The following GSN variants were observed in gnomAD, a reference collection of about 807,000 sequenced individuals.
The protein encoded by GSN is gelsolin.
Under a neutral mutation model 85.7 loss-of-function variants are expected in GSN, and 56 were observed. That is an observed-to-expected ratio of 0.65 (90% CI 0.53 to 0.82). The LOEUF (loss-of-function observed/expected upper bound fraction) is 0.82. Ranked by LOEUF, GSN falls within the 40% of genes least tolerant of loss-of-function variation. GSN has a pLI of 0.00. For synonymous variants in GSN, 373 were observed against 399.1 expected (o/e 0.93, Z 0.78); for missense variants, 857 against 979.8 (o/e 0.87, Z 1.67).
chr9:121,312,468 G>A lies in GSN; in HGVS notation c.643G>A (p.Glu215Lys). Reference sequence around the variant, plus strand: ...AGTGCACGTGTCTGAGGAGGGCACTGAGCCCGAGGCGATGCTCCAGGTGCC... The same window carrying A: ...AGTGCACGTGTCTGAGGAGGGCACTAAGCCCGAGGCGATGCTCCAGGTGCC... ...ARVHVSEEGT[E>K]PEAMLQVLGP... is the part of the protein sequence containing the mutation. Residue 215 changes from glutamate (E) to lysine (K), a missense_variant, in exon 6 of 18, where the codon GAG becomes AAG. Physicochemically the swap from Glu to Lys is moderately conservative, Grantham distance 56. Transcript: ENST00000432226. 6.2e-7 allele frequency: 1 copy of A among 1,613,428 alleles called. No individual in the cohort carries two copies. The highest frequency in any genetic ancestry group is 1.1e-5 in the South Asian group (1 of 91,048).
intron 1 of GSN, among the ~76,000 whole-genome samples, chr9:121,277,831 C>T (rs1297867084): frequency 6.6e-6 from 1 of 152,162 alleles, no homozygotes; most frequent in Non-Finnish European, 1.5e-5. Context: ...ATGCAAACTA[C>T]AGTCCTGGGG....
At chr9:121,218,753 G>A (rs931324393) in intron 4 of GSN, among the ~76,000 whole-genome samples, 1 of 152,230 alleles carries the variant, frequency 6.6e-6, no homozygotes, top group African/African-American at 2.4e-5. Flanking sequence ...GCCACTGTTG[G>A]ACAAATGTCC....
In GSN at chr9:121,332,613, G is replaced by A. The variant is rs1160410677; in HGVS notation, c.*10G>A. 6.2e-7 allele frequency: 1 copy of A among 1,610,306 alleles called. No individual in the cohort carries two copies. Among genetic ancestry groups the A allele is most frequent in the African/African-American group, 1.3e-5 (1 of 74,966 alleles). On this transcript the variant is annotated 3_prime_UTR_variant, in exon 18 of 18. Coordinates refer to ENST00000432226, the MANE Select transcript of GSN (RefSeq NM_198252.3). This position sits in a 1 kb window ranked among gnomAD's most constrained non-coding sequence, Gnocchi z 4.8. ...TGAGCTGGCTGCCTGAGGAGGGGCAGGGCCCACCCATGTCACCGGTCAGTG... is the reference window on the plus strand; with the variant it reads ...TGAGCTGGCTGCCTGAGGAGGGGCAAGGCCCACCCATGTCACCGGTCAGTG...
At position 121,209,399 on chromosome 9, in the gene GSN, T is replaced by C. The variant is rs796344154; in HGVS notation, c.-706+2T>C. On this transcript the variant is annotated splice_donor_variant, in intron 2 of 24. Coordinates refer to the GSN transcript ENST00000373823. LOFTEE classifies it low-confidence loss of function (5UTR_SPLICE). ...GGAGATTCCCTTCTACCATCCATGG[T>C]GAGCAAAGAGTGGGGCTTGGAATTA... 6.3e-5 allele frequency: 8 copies of C among 126,890 alleles called. No individual in the cohort carries two copies. Among genetic ancestry groups the C allele is most frequent in the African/African-American group, 2.2e-4 (7 of 32,140 alleles). The allele number at this position is 126,890 out of a possible 1,614,324, so 7.9% of individuals were successfully genotyped here. A position where few individuals can be genotyped will look rare whatever the true frequency, so the allele number is the denominator to read the frequency against.
upstream of GSN, among the ~76,000 whole-genome samples, chr9:121,205,377 T>C (rs1277705533): frequency 6.6e-6 from 1 of 152,192 alleles, no homozygotes; most frequent in Non-Finnish European, 1.5e-5. Context: ...CAGTGAGGAT[T>C]GGGTGTGCCT....
intron 2 of GSN, among the ~76,000 whole-genome samples, chr9:121,290,669 A>C (rs1051273997): frequency 6.6e-6 from 1 of 152,238 alleles, no homozygotes; most frequent in African/African-American, 2.4e-5. Flanking sequence ...CAGCTGGCAC[A>C]AAAGTAATTG....
intron 4 of GSN, among the ~76,000 whole-genome samples, chr9:121,217,343 G>A (rs2054083271): frequency 6.7e-6 from 1 of 150,080 alleles, no homozygotes; most frequent in African/African-American, 2.4e-5. Context: ...TCCAGCCTGG[G>A]CAACAGGGCA....
intron 10 of GSN, among the ~76,000 whole-genome samples, chr9:121,320,704 G>A (rs539756505): frequency 6.6e-6 from 1 of 151,228 alleles, no homozygotes; most frequent in African/African-American, 2.4e-5. Flanking sequence ...AGTAACAATA[G>A]AGGTAATGGT....
chr9:121,315,549 AG>A (rs2061620293), intron 7 of GSN, among the ~76,000 whole-genome samples: 1 of 152,092 alleles, frequency 6.6e-6, no homozygotes, highest in Admixed American at 6.5e-5. Flanking sequence ...GGATCACCTG[AG>A]GTCAGGAGTT....
chr9:121,314,413 T>C (rs541353618), intron 7 of GSN, among the ~76,000 whole-genome samples: 2 of 151,842 alleles, frequency 1.3e-5, no homozygotes, highest in African/African-American at 2.4e-5. Context: ...AGGTTGGGGG[T>C]GTGGGTTATA....
At position 121,275,375 on chromosome 9, in the gene GSN, G is replaced by A. The variant is rs193159657; in HGVS notation, c.-102-6095G>A. 7.6e-4 allele frequency among the ~76,000 whole-genome samples: 115 copies of A among 152,288 alleles called. 1 individual carries two copies. Among genetic ancestry groups the A allele is most frequent in the Non-Finnish European group, 2.1e-4 (14 of 68,032 alleles). On this transcript the variant is annotated intron_variant, in intron 1 of 17. Coordinates refer to ENST00000432226, the MANE Select transcript of GSN (RefSeq NM_198252.3). ...CTACAAAGTACCTAACACAATGCTT[G>A]GCCAGTGCAATCATGTGGATGCTGG...
chr9:121,300,046 C>G (rs2059656947), intron 2 of GSN: 4 of 1,593,340 alleles, frequency 2.5e-6, no homozygotes, highest in Non-Finnish European at 3.4e-6. Flanking sequence ...GAGTAACTCT[C>G]TATTGTAAGT....
In GSN at chr9:121,318,645, C is replaced by A; in HGVS notation, c.976-20C>A. On this transcript the variant is annotated intron_variant, in intron 9 of 17. Transcript: ENST00000432226. The surrounding 1 kb of genome is among the most constrained non-coding windows in gnomAD (Gnocchi z 4.3). ...CTGGGCAGCCCAGCCACATCCTGCT[C>A]CTCTGCCTCCCCTCCCCAGGTCTCG... 6.3e-7 allele frequency: 1 copy of A among 1,588,818 alleles called. No individual in the cohort carries two copies. The highest frequency in any genetic ancestry group is 8.6e-7 in the Non-Finnish European group (1 of 1,157,062).
At chr9:121,218,362 C>CGGT (rs1169330256) in intron 4 of GSN, among the ~76,000 whole-genome samples, 1 of 152,148 alleles carries the variant, frequency 6.6e-6, no homozygotes, top group Non-Finnish European at 1.5e-5. Context: ...AGGCCAGGCT[C>CGGT]GGTGGCTCAT....
chr9:121,302,782 A>T, intron 3 of GSN, 129 bp from the exon 4 acceptor site: 1 of 882,166 alleles, frequency 1.1e-6, no homozygotes, highest in Non-Finnish European at 1.9e-6. Flanking sequence ...AGGCTCACAG[A>T]AGGCAAGGGC....
chr9:121,223,599 A>G (rs1307594658), intron 4 of GSN, among the ~76,000 whole-genome samples: 2 of 152,178 alleles, frequency 1.3e-5, no homozygotes, highest in East Asian at 1.9e-4. Context: ...AGTACTTTAT[A>G]TAAGTATTAT....
intron 5 of GSN, 198 bp from the exon 6 acceptor site, chr9:121,312,141 C>A: frequency 1.7e-6 from 1 of 575,460 alleles, no homozygotes. Flanking sequence ...CTCAGACATG[C>A]GCTCCCATCT....
intron 5 of GSN, chr9:121,239,094 T>C (rs1424970140): frequency 8.1e-6 from 3 of 372,004 alleles, no homozygotes; most frequent in Non-Finnish European, 1.6e-5. Flanking sequence ...TTTGAGTAAT[T>C]GAGCCATTTC....
In GSN at chr9:121,332,383, G is replaced by C. The variant is rs769899904; in HGVS notation, c.2027-51G>C. On this transcript the variant is annotated intron_variant, in intron 17 of 17. Transcript: ENST00000432226. The surrounding 1 kb of genome is among the most constrained non-coding windows in gnomAD (Gnocchi z 4.8). ...CCTGAGTCACCCTCTCCCTGGTGTG[G>C]GAGGCACTAAGAATTCCTGGGGTTT... 14 of 1,518,710 alleles carry C rather than the reference G, an allele frequency of 9.2e-6. No homozygotes were observed. Among genetic ancestry groups the C allele is most frequent in the South Asian group, 3.4e-5 (3 of 89,200 alleles). 94.1% of individuals were successfully genotyped at this position (1,518,710 alleles called of 1,614,324 possible). A position where few individuals can be genotyped will look rare whatever the true frequency, so the allele number is the denominator to read the frequency against.
Sources: gnomAD v4.1 joint callset for allele counts (sites outside exome capture counted in the v4.1 genomes callset) on GRCh38, gnomAD v4.1.1 for gene constraint, Gnocchi (gnomAD v3.1) non-coding constraint, MANE v1.5 for transcripts, NCBI Gene and HGNC (gene_info 2026-07-23, HGNC 2026-07-21) for gene names.